CSMD1: variants seen among roughly 807,000 people sequenced by gnomAD.
CSMD1 encodes the protein CUB and sushi domain-containing protein 1.
In CSMD1, 213 loss-of-function variants were observed where a neutral mutation model predicts 417.5. The observed-to-expected ratio is 0.51, with a 90% CI of 0.46 to 0.57. CSMD1 has a LOEUF of 0.57. Ranked by LOEUF, CSMD1 falls within the 20% of genes least tolerant of loss-of-function variation. CSMD1 has a pLI of 0.00. For synonymous variants in CSMD1, 2,862 were observed against 1,736.8 expected (o/e 1.65, Z -16.11); for missense variants, 6,923 against 4,529.7 (o/e 1.53, Z -15.17).
chr8:3,440,802 T>A (rs1162265334), intron 12 of CSMD1, among the ~76,000 whole-genome samples: 1 of 152,212 alleles, frequency 6.6e-6, no homozygotes, highest in Non-Finnish European at 1.5e-5. Flanking sequence ...GTTTTGTAAG[T>A]GCTCTTTATC....
intron 7 of CSMD1, among the ~76,000 whole-genome samples, chr8:3,660,637 C>T (rs1016292680): frequency 2.6e-5 from 4 of 151,488 alleles, no homozygotes; most frequent in African/African-American, 7.3e-5. Context: ...TCTCCTACCT[C>T]AGCCTCCTGA....
intron 3 of CSMD1, among the ~76,000 whole-genome samples, chr8:4,272,112 G>A (rs577221344): frequency 1.3e-5 from 2 of 151,648 alleles, no homozygotes; most frequent in Non-Finnish European, 1.5e-5. Context: ...ACCTGTCAGG[G>A]GTGTGTGTGT....
intron 3 of CSMD1, among the ~76,000 whole-genome samples, chr8:4,080,894 G>T (rs1292983309): frequency 6.6e-6 from 1 of 152,164 alleles, no homozygotes; most frequent in Non-Finnish European, 1.5e-5. Context: ...TAGACCCAAG[G>T]TGATAGTATT....
intron 7 of CSMD1, among the ~76,000 whole-genome samples, chr8:3,648,769 A>T (rs1005669692): frequency 2.0e-5 from 3 of 152,312 alleles, no homozygotes; most frequent in Middle Eastern, 3.4e-3. Flanking sequence ...AGTAAGCAGT[A>T]TGCATTGTAT....
At chr8:4,964,852 G>C (rs141936871) in intron 1 of CSMD1, among the ~76,000 whole-genome samples, 83 of 152,294 alleles carry the variant, frequency 5.4e-4, no homozygotes, top group Middle Eastern at 6.8e-3. Flanking sequence ...AGTCGTGTCT[G>C]ATGTAATTGC....
chr8:4,675,227 A>T (rs983445696), intron 1 of CSMD1, among the ~76,000 whole-genome samples: 4 of 152,210 alleles, frequency 2.6e-5, no homozygotes, highest in Admixed American at 6.5e-5. Flanking sequence ...TCCAATACTT[A>T]TACACCATGC....
At chr8:3,737,033 C>G (rs1430274108) in intron 6 of CSMD1, among the ~76,000 whole-genome samples, 2 of 152,178 alleles carry the variant, frequency 1.3e-5, no homozygotes, top group Admixed American at 1.3e-4. Flanking sequence ...TACATGATTA[C>G]GTCCAATTAT....
chr8:2,988,039 T>C (rs936249454), intron 54 of CSMD1, among the ~76,000 whole-genome samples: 24 of 152,204 alleles, frequency 1.6e-4, no homozygotes, highest in Non-Finnish European at 3.1e-4. Flanking sequence ...AAAACCTATT[T>C]TCCCCAGTTA....
rs754492091 is a variant in CSMD1, at chr8:4,752,285, C to T, written c.86-114727G>A. Reference sequence around the variant, plus strand: ...TTGACAATACAATTTCATTTATGAGCATTTAAAATAACCCTCTTTCACCTT... The same window carrying T: ...TTGACAATACAATTTCATTTATGAGTATTTAAAATAACCCTCTTTCACCTT... On this transcript the variant is annotated intron_variant, in intron 1 of 69. Transcript: ENST00000635120. Among the ~76,000 whole-genome samples the T allele has an allele frequency of 3.2e-4, 49 of 152,228 alleles. 1 individual carries two copies. The highest frequency in any genetic ancestry group is 2.0e-3 in the Admixed American group (30 of 15,286).
intron 23 of CSMD1, among the ~76,000 whole-genome samples, chr8:3,341,659 G>A (rs557689525): frequency 2.6e-5 from 4 of 152,288 alleles, no homozygotes; most frequent in African/African-American, 7.2e-5. Context: ...CTTTGCCCAG[G>A]GAGCCATAGC....
intron 3 of CSMD1, among the ~76,000 whole-genome samples, chr8:4,093,617 CG>C (rs2130854858): frequency 6.6e-6 from 1 of 152,016 alleles, no homozygotes; most frequent in African/African-American, 2.4e-5. Context: ...ATTTGAAAGT[CG>C]AATTTAAGCC....
At chr8:3,639,420 T>G (rs921640784) in intron 7 of CSMD1, among the ~76,000 whole-genome samples, 5 of 152,158 alleles carry the variant, frequency 3.3e-5, no homozygotes, top group Non-Finnish European at 5.9e-5. Flanking sequence ...TTCACCAACT[T>G]ATGCTGAAAA....
At chr8:3,350,775 TC>T (rs1808366643) in intron 21 of CSMD1, among the ~76,000 whole-genome samples, 1 of 152,242 alleles carries the variant, frequency 6.6e-6, no homozygotes, top group Admixed American at 6.5e-5. Context: ...AGCATTTGTA[TC>T]CATGTGAAGA....
chr8:3,367,457 T>C (rs1371290072), intron 19 of CSMD1, among the ~76,000 whole-genome samples: 2 of 145,780 alleles, frequency 1.4e-5, no homozygotes, highest in African/African-American at 5.1e-5. Context: ...TGGAGAGAGA[T>C]GGAGAGGAGA....
At chr8:4,212,432 G>C (rs923589616) in intron 3 of CSMD1, among the ~76,000 whole-genome samples, 1 of 152,074 alleles carries the variant, frequency 6.6e-6, no homozygotes, top group Non-Finnish European at 1.5e-5. Flanking sequence ...GTCCCAGGTA[G>C]TTCAGAAAAT....
intron 2 of CSMD1, among the ~76,000 whole-genome samples, chr8:4,518,677 TA>T (rs901160808): frequency 2.1e-5 from 3 of 145,244 alleles, no homozygotes; most frequent in East Asian, 2.1e-4. Context: ...AATGACGAGT[TA>T]ACGGTGCAGC....
At chr8:4,663,933 G>A (rs563833029) in intron 1 of CSMD1, among the ~76,000 whole-genome samples, 35 of 152,266 alleles carry the variant, frequency 2.3e-4, no homozygotes, top group African/African-American at 8.4e-4. Context: ...TGGCTCCACT[G>A]GGATGGAAAT....
chr8:3,476,985 A>C (rs1440054810), intron 11 of CSMD1, among the ~76,000 whole-genome samples: 1 of 151,940 alleles, frequency 6.6e-6, no homozygotes, highest in African/African-American at 2.4e-5. Context: ...GTCAACACAA[A>C]GGGATACTAC....
intron 10 of CSMD1, among the ~76,000 whole-genome samples, chr8:3,523,015 C>CCA (rs35558604): frequency 0.052 from 7,372 of 141,798 alleles, 278 homozygotes; most frequent in Non-Finnish European, 0.076. Flanking sequence ...ATACACACAC[C>CCA]CACACACACA....
Sources: gnomAD v4.1 joint callset for allele counts (sites outside exome capture counted in the v4.1 genomes callset) on GRCh38, gnomAD v4.1.1 for gene constraint, MANE v1.5 for transcripts, NCBI Gene and HGNC (gene_info 2026-07-23, HGNC 2026-07-21) for gene names.